AARS1: variants seen among roughly 807,000 people sequenced by gnomAD.
AARS1 encodes the protein alanine--tRNA ligase, cytoplasmic.
AARS1 carries 72 observed loss-of-function variants against 108.9 expected under a neutral mutation model. The observed-to-expected ratio is 0.66, with a 90% CI of 0.55 to 0.80. The LOEUF (loss-of-function observed/expected upper bound fraction) is 0.80. Ranked by LOEUF, AARS1 falls within the 30% of genes least tolerant of loss-of-function variation. The probability of loss-of-function intolerance (pLI) is 0.00; values close to 1 mark genes in which losing one functional copy is unlikely to be tolerated. For missense variants in AARS1, 1,193 were observed against 1,233.2 expected (o/e 0.97, Z 0.49); for synonymous variants, 489 against 465.7 (o/e 1.05, Z -0.64).
chr16:70,262,241 G>T (rs773598894), intron 12 of AARS1, 105 bp downstream of exon 12: 4 of 1,364,184 alleles, frequency 2.9e-6, no homozygotes, highest in African/African-American at 2.9e-5. Context: ...CAACCCAAAG[G>T]TGTGTCAGGT....
chr16:70,257,164 G>C (rs1453244971), intron 15 of AARS1, among the ~76,000 whole-genome samples: 2 of 152,062 alleles, frequency 1.3e-5, no homozygotes, highest in South Asian at 4.2e-4. Context: ...CAGGAGACTC[G>C]CTTGAACCCT....
At position 70,268,200 on chromosome 16, in the gene AARS1, T is replaced by C. The variant is rs1960312211; in HGVS notation, c.1071+71A>G. 3.6e-6 allele frequency: 5 copies of C among 1,383,904 alleles called. No homozygotes were observed. The African/African-American group carries it at 5.7e-5, about 16-fold the overall frequency. 85.7% of individuals were successfully genotyped at this position (1,383,904 alleles called of 1,614,324 possible). ...AGCAACAAAAAGCTGCTTAACAGTATGCCCTCTCCCACTCCATCCCTCTTA... is the reference window on the plus strand; with the variant it reads ...AGCAACAAAAAGCTGCTTAACAGTACGCCCTCTCCCACTCCATCCCTCTTA... On this transcript the variant is annotated intron_variant, in intron 8 of 20. Coordinates refer to ENST00000261772, the MANE Select transcript of AARS1 (RefSeq NM_001605.3).
chr16:70,259,328 G>A, intron 13 of AARS1, 142 bp from the exon 14 acceptor site: 1 of 863,400 alleles, frequency 1.2e-6, no homozygotes, highest in Non-Finnish European at 1.9e-6. Context: ...GCTTCCCTAT[G>A]GCTAAGTGTG....
At chr16:70,277,404 G>A (rs1244555475) in intron 2 of AARS1, among the ~76,000 whole-genome samples, 1 of 152,172 alleles carries the variant, frequency 6.6e-6, no homozygotes, top group Non-Finnish European at 1.5e-5. Flanking sequence ...CTGCAGAGGG[G>A]AAAGGCCTGC....
intron 1 of AARS1, 125 bp from the exon 2 acceptor site, chr16:70,282,909 A>G (rs1396749631): frequency 1.1e-6 from 1 of 903,682 alleles, no homozygotes; most frequent in African/African-American, 1.6e-5. Flanking sequence ...TGATCCTAAA[A>G]CCTCTATGTT....
rs151221103 is a variant in AARS1 at position 70,262,696 on chromosome 16, G to A, written c.1493-172C>T. On this transcript the variant is annotated intron_variant, in intron 11 of 20. Coordinates refer to ENST00000261772, the MANE Select transcript of AARS1 (RefSeq NM_001605.3). ...ATATGAAAGGGCTTCGCGGCCGGGC[G>A]CGGTGGCTCCCCCTATAATCCCAGC... Among the ~76,000 whole-genome samples the A allele has an allele frequency of 4.0e-3, 606 of 151,576 alleles. 10 individuals are homozygous for A. The highest frequency in any genetic ancestry group is 0.014 in the African/African-American group (564 of 41,314).
At chr16:70,254,396 T>C in intron 17 of AARS1, 2 of 597,836 alleles carry the variant, frequency 3.3e-6, no homozygotes, top group Admixed American at 5.2e-5. Context: ...CATACATGCT[T>C]GGGAAGAGCT....
chr16:70,282,331 G>A (rs1373077844), intron 2 of AARS1, among the ~76,000 whole-genome samples: 118 of 110,292 alleles, frequency 1.1e-3, no homozygotes, highest in Admixed American at 1.2e-3. Context: ...TCCGTCTCAG[G>A]AAAAAAAAAA....
chr16:70,255,685 T>G (rs1266200194), intron 16 of AARS1, 43 bp downstream of exon 16: 1 of 1,572,302 alleles, frequency 6.4e-7, no homozygotes. Flanking sequence ...TGGGCTCCTC[T>G]TGCCTTCTTC....
At chr16:70,262,967 CAAAAAAAAAAAAAA>C (rs57444625) in intron 11 of AARS1, among the ~76,000 whole-genome samples, 19 of 20,592 alleles carry the variant, frequency 9.2e-4, no homozygotes, top group Middle Eastern at 0.17. Context: ...GACTCGGTCT[CAAAAAAAAAAAAAA>C]AAAAAAAAAA....
chr16:70,274,777 C>A (rs1012365248), intron 4 of AARS1, among the ~76,000 whole-genome samples: 1 of 151,896 alleles, frequency 6.6e-6, no homozygotes, highest in Non-Finnish European at 1.5e-5. Context: ...TACACACATA[C>A]ACACAAGGTT....
chr16:70,265,756 T>TA (rs1371236653), intron 9 of AARS1, 94 bp from the exon 10 acceptor site: 7 of 1,523,958 alleles, frequency 4.6e-6, no homozygotes, highest in Non-Finnish European at 6.3e-6. Flanking sequence ...CAGAAGGAAT[T>TA]AAAGACACAA....
At chr16:70,267,413 A>T (rs1960288549) in intron 9 of AARS1, among the ~76,000 whole-genome samples, 1 of 152,170 alleles carries the variant, frequency 6.6e-6, no homozygotes, top group Non-Finnish European at 1.5e-5. Flanking sequence ...CTGAGAAATG[A>T]GTGTGGAAAA....
Position 70,282,002 on chromosome 16 carries a change from A to G in AARS1, c.144+618T>C, listed in dbSNP as rs762402033. Among the ~76,000 whole-genome samples the G allele has an allele frequency of 2.0e-4, 30 of 152,076 alleles. 1 individual carries two copies. The highest frequency in any genetic ancestry group is 8.3e-4 in the South Asian group (4 of 4,820). ...CCATCTCTACTAAAAATACAAAAAA[A>G]TTAGCTGTACTTGGTGGTGGGCACC... On this transcript the variant is annotated intron_variant, in intron 2 of 20. Coordinates refer to ENST00000261772, the MANE Select transcript of AARS1 (RefSeq NM_001605.3).
chr16:70,269,830 G>C, intron 6 of AARS1, 67 bp from the exon 7 acceptor site: 3 of 1,596,308 alleles, frequency 1.9e-6, no homozygotes, highest in East Asian at 2.2e-5. Context: ...TGCCCAAGGA[G>C]GTTCCTGGAG....
In AARS1 at chr16:70,253,984, G is replaced by C; in HGVS notation, c.2455C>G (p.Leu819Val). 1 of 1,614,164 alleles carries C rather than the reference G, an allele frequency of 6.2e-7. No individual in the cohort carries two copies. Among genetic ancestry groups the C allele is most frequent in the Non-Finnish European group, 8.5e-7 (1 of 1,180,034 alleles). Residue 819 changes from leucine to valine, a missense_variant, in exon 18 of 21, where the codon CTC (leucine) becomes GTC (valine). Transcript: ENST00000261772. ...QWQKDELRETLKSLKKVMDDL... is the reference protein window; with the variant it reads ...QWQKDELRETVKSLKKVMDDL... Reference sequence around the variant, plus strand: ...TCCATGACCTTCTTTAGGGATTTGAGAGTCTCCCGCAATTCATCCTTCTGC... The same window carrying C: ...TCCATGACCTTCTTTAGGGATTTGACAGTCTCCCGCAATTCATCCTTCTGC...
chr16:70,270,461 C>A (rs977309985), intron 5 of AARS1, 121 bp from the exon 6 acceptor site: 1 of 1,288,798 alleles, frequency 7.8e-7, no homozygotes, highest in East Asian at 2.3e-5. Flanking sequence ...GCCATTTGCC[C>A]GGTTTGGTGG....
At chr16:70,260,819 C>CGGTG (rs1455375581) in intron 13 of AARS1, among the ~76,000 whole-genome samples, 3 of 152,044 alleles carry the variant, frequency 2.0e-5, no homozygotes, top group African/African-American at 7.2e-5. Context: ...CCTGCCACCA[C>CGGTG]GCCCAGCTCA....
intron 14 of AARS1, among the ~76,000 whole-genome samples, 170 bp from the exon 15 acceptor site, chr16:70,258,387 G>A (rs1391130916): frequency 6.6e-6 from 1 of 152,170 alleles, no homozygotes; most frequent in Non-Finnish European, 1.5e-5. Context: ...AAGGGCATCA[G>A]TATGGGAATT....
Sources: gnomAD v4.1 joint callset for allele counts (sites outside exome capture counted in the v4.1 genomes callset) on GRCh38, gnomAD v4.1.1 for gene constraint, MANE v1.5 for transcripts, NCBI Gene and HGNC (gene_info 2026-07-23, HGNC 2026-07-21) for gene names.